The following CFAP47 variants were observed in gnomAD, a reference collection of about 807,000 sequenced individuals.
CFAP47 encodes cilia- and flagella-associated protein 47.
A neutral mutation model predicts 148.1 loss-of-function variants in CFAP47; 29 were observed. The ratio of observed to expected loss-of-function variants is 0.20; its 90% CI spans 0.15 to 0.27. The LOEUF (loss-of-function observed/expected upper bound fraction) is 0.27, where lower values mean the gene tolerates loss of function less well. Among genes scored for constraint, CFAP47 ranks in the 10% least tolerant of loss-of-function variants. The pLI is 1.00. For synonymous variants in CFAP47, 664 were observed against 577.3 expected, an observed-to-expected ratio of 1.15 and a Z score of -2.15; for missense variants, 1,872 against 1,697.5, an observed-to-expected ratio of 1.10 and a Z score of -1.81.
intron 30 of CFAP47, among the ~76,000 whole-genome samples, chrX:36,086,975 C>T (rs895081234): frequency 9.0e-6 from 1 of 111,508 alleles, no homozygotes; most frequent in Non-Finnish European, 1.9e-5. Flanking sequence ...CAGAAGATCC[C>T]CATCTCAGAC....
chrX:36,370,011 G>T (rs1197956827), intron 62 of CFAP47, among the ~76,000 whole-genome samples: 4 of 111,790 alleles, frequency 3.6e-5, no homozygotes, highest in East Asian at 5.6e-4. Flanking sequence ...GTCACCAGCT[G>T]CAAGTCTTTG....
intron 32 of CFAP47, among the ~76,000 whole-genome samples, chrX:36,100,623 C>A (rs886705081): frequency 1.8e-5 from 2 of 111,657 alleles, no homozygotes; most frequent in African/African-American, 6.5e-5. Flanking sequence ...TCACACCTTG[C>A]AACCCCAGAC....
Position 36,232,312 on chromosome X carries a change from G to A in CFAP47, c.7014+3488G>A, listed in dbSNP as rs1411201193. Among the ~76,000 whole-genome samples, 575 of 111,465 alleles carry A rather than the reference G, an allele frequency of 5.2e-3. 1 individual carries two copies. The highest frequency in any genetic ancestry group is 0.018 in the African/African-American group (546 of 30,622). On this transcript the variant is annotated intron_variant, in intron 46 of 63. Coordinates refer to ENST00000378653, the MANE Select transcript of CFAP47 (RefSeq NM_001304548.2). Reference sequence around the variant, plus strand: ...CAGAGCCTGTTATCGGTCTATTCAGGGATTCAACTTCTTCCTGGTTTAGTC... The same window carrying A: ...CAGAGCCTGTTATCGGTCTATTCAGAGATTCAACTTCTTCCTGGTTTAGTC...
At chrX:35,924,037 A>T (rs73629574) in intron 1 of CFAP47, among the ~76,000 whole-genome samples, 7,310 of 94,720 alleles carry the variant, frequency 0.077, 1,208 homozygotes, top group African/African-American at 0.32. Flanking sequence ...ATATGCACAT[A>T]TATGTGTATA....
intron 4 of CFAP47, among the ~76,000 whole-genome samples, chrX:35,950,121 T>C (rs1244685392): frequency 9.0e-6 from 1 of 111,697 alleles, no homozygotes; most frequent in Non-Finnish European, 1.9e-5. Context: ...CTTGAAATTA[T>C]GGTGTCAAGG....
Position 36,318,151 on chromosome X carries a change from C to T in CFAP47, c.8345-1058C>T, listed in dbSNP as rs181103097. ...TAATCTATACACAATGATCTCAAAA[C>T]ATGTTTCCCTTTTATCGTATACCAC... On this transcript the variant is annotated intron_variant, in intron 56 of 63. Coordinates refer to ENST00000378653, the MANE Select transcript of CFAP47 (RefSeq NM_001304548.2). Among the ~76,000 whole-genome samples, 226 of 112,131 alleles carry T rather than the reference C, an allele frequency of 2.0e-3. 1 individual carries two copies. The highest frequency in any genetic ancestry group is 6.7e-3 in the African/African-American group (207 of 30,915).
chrX:36,361,841 G>T (rs1941831461), intron 61 of CFAP47, among the ~76,000 whole-genome samples: 2 of 111,969 alleles, frequency 1.8e-5, no homozygotes, highest in South Asian at 7.4e-4. Context: ...TCTTGATGTT[G>T]CTTATCAGAA....
chrX:36,230,568 C>T (rs1370576007), intron 46 of CFAP47, among the ~76,000 whole-genome samples: 2 of 104,475 alleles, frequency 1.9e-5, no homozygotes, highest in Non-Finnish European at 3.8e-5. Flanking sequence ...GTTGCCTGTT[C>T]ACTCTGATGG....
intron 49 of CFAP47, among the ~76,000 whole-genome samples, chrX:36,257,439 A>G (rs1196690991): frequency 4.8e-5 from 5 of 103,978 alleles, no homozygotes; most frequent in Non-Finnish European, 7.9e-5. Context: ...TTTTTTTTTT[A>G]AATTGAGACA....
intron 45 of CFAP47, among the ~76,000 whole-genome samples, chrX:36,214,004 G>C (rs5973611): frequency 0.048 from 5,318 of 111,103 alleles, 358 homozygotes; most frequent in African/African-American, 0.17. Context: ...ATCATGCATG[G>C]CTTAACAAAG....
intron 35 of CFAP47, chrX:36,144,927 G>C: frequency 1.1e-5 from 9 of 850,643 alleles, no homozygotes; most frequent in Non-Finnish European, 1.4e-5. Context: ...GGGGATTTGG[G>C]ACTTGGCCTG....
intron 37 of CFAP47, among the ~76,000 whole-genome samples, chrX:36,158,831 G>A (rs891587514): frequency 9.0e-6 from 1 of 111,277 alleles, no homozygotes; most frequent in Non-Finnish European, 1.9e-5. Context: ...GGTTGCTGGG[G>A]TACCATGGTG....
rs1555994732 is a variant in CFAP47, at chrX:36,236,709, A to G, written c.7182A>G (p.Glu2394=). The G allele has an allele frequency of 5.7e-6, 3 of 523,728 alleles. No individual in the cohort carries two copies. The South Asian group carries it at 7.4e-5, about 13-fold the overall frequency. 43.2% of individuals were successfully genotyped at this position (523,728 alleles called of 1,213,427 possible). A position where few individuals can be genotyped will look rare whatever the true frequency, so the allele number is the denominator to read the frequency against. Residue 2394 remains glutamate, a synonymous_variant, in exon 48 of 64, where the codon GAA becomes GAG. Coordinates refer to ENST00000378653, the MANE Select transcript of CFAP47 (RefSeq NM_001304548.2). ...AGGGTAAACTTATTCTACAAAATGAAGTAGATGGTAGGGAGCACATCTTTG... is the reference window on the plus strand; with the variant it reads ...AGGGTAAACTTATTCTACAAAATGAGGTAGATGGTAGGGAGCACATCTTTG... ...VITGKLILQN[E]VDGREHIFDI...
chrX:36,149,718 C>G (rs1479966489), intron 37 of CFAP47, among the ~76,000 whole-genome samples: 2 of 108,375 alleles, frequency 1.8e-5, no homozygotes, highest in Non-Finnish European at 3.8e-5. Context: ...AAGCAATTCT[C>G]CTGCCTCAGC....
intron 33 of CFAP47, among the ~76,000 whole-genome samples, chrX:36,111,463 T>C (rs765452041): frequency 1.8e-5 from 2 of 112,448 alleles, no homozygotes; most frequent in South Asian, 7.3e-4. Flanking sequence ...TACTTGATCA[T>C]GGTAGATTAG....
chrX:36,027,441 T>C (rs1937232455), intron 22 of CFAP47, among the ~76,000 whole-genome samples: 1 of 110,594 alleles, frequency 9.0e-6, no homozygotes, highest in Admixed American at 9.8e-5. Flanking sequence ...CATGCAGTAT[T>C]TGACTCTGTT....
chrX:36,161,499 TTAATAA>T (rs1420406449), intron 39 of CFAP47, among the ~76,000 whole-genome samples: 1 of 111,851 alleles, frequency 8.9e-6, no homozygotes, highest in Admixed American at 9.6e-5. Flanking sequence ...ATCTTAAGAT[TTAATAA>T]TAATAACAAA....
At chrX:36,316,016 C>G (rs1199109084) in intron 56 of CFAP47, among the ~76,000 whole-genome samples, 1 of 111,608 alleles carries the variant, frequency 9.0e-6, no homozygotes, top group Non-Finnish European at 1.9e-5. Flanking sequence ...GGCTTAACAA[C>G]TTGTTCACGA....
chrX:35,985,832 A>T (rs750705134), intron 15 of CFAP47: 1 of 233,835 alleles, frequency 4.3e-6, no homozygotes, highest in African/African-American at 3.0e-5. Flanking sequence ...CAACTGTGGC[A>T]GTCCCCATGC....
Sources: allele counts gnomAD v4.1 joint callset (sites outside exome capture counted in the v4.1 genomes callset), GRCh38; gene constraint gnomAD v4.1.1; transcripts MANE v1.5; gene names NCBI Gene and HGNC (gene_info 2026-07-23, HGNC 2026-07-21).